TRPC7: variants seen among roughly 807,000 people sequenced by gnomAD.
TRPC7 encodes transient receptor potential cation channel subfamily C member 7.
In TRPC7, 42 loss-of-function variants were observed where a neutral mutation model predicts 90.1. That is an observed-to-expected ratio of 0.47 (90% CI 0.36 to 0.60). The LOEUF (loss-of-function observed/expected upper bound fraction) is 0.60, where lower values mean the gene tolerates loss of function less well. TRPC7 is among the 20% of genes least tolerant of loss of function. TRPC7 has a pLI of 0.00. For missense variants in TRPC7, 955 were observed against 1,112.3 expected, an observed-to-expected ratio of 0.86 and a Z score of 2.01; for synonymous variants, 451 against 436.3, an observed-to-expected ratio of 1.03 and a Z score of -0.42.
rs760257816 is a variant in TRPC7, at chr5:136,243,403, TG to T, written c.1844+4067del. On this transcript the variant is annotated intron_variant, in intron 7 of 11. Coordinates refer to ENST00000513104, the MANE Select transcript of TRPC7 (RefSeq NM_020389.3). ...AACCCAAATTTCCCTTCTGTAGAAT[TG>T]GGTCTGCCGAGTCTATAGAAACAGA... Among the ~76,000 whole-genome samples the T allele has an allele frequency of 4.8e-4, 73 of 152,224 alleles. 1 individual carries two copies. Among genetic ancestry groups the T allele is most frequent in the Non-Finnish European group, 8.7e-4 (59 of 68,002 alleles).
intron 3 of TRPC7, among the ~76,000 whole-genome samples, chr5:136,283,229 C>T (rs928104966): frequency 2.0e-5 from 3 of 152,222 alleles, no homozygotes; most frequent in Admixed American, 2.0e-4. Context: ...TTCCTTTGGA[C>T]CTTGATGCCT....
Position 136,365,434 on chromosome 5 carries a change from T to C in TRPC7, c.-180A>G. ...TGTGAAAGCGCGCTCCTCTGTTCTT[T>C]GTGTTGCAGTGGTAAAAACTCGCCT... On this transcript the variant is annotated 5_prime_UTR_variant, in exon 1 of 12. Coordinates refer to ENST00000513104, the MANE Select transcript of TRPC7 (RefSeq NM_020389.3). 1 of 635,972 alleles carries C rather than the reference T, an allele frequency of 1.6e-6. No individual in the cohort carries two copies. The highest frequency in any genetic ancestry group is 2.8e-6 in the Non-Finnish European group (1 of 363,282). 39.4% of individuals were successfully genotyped at this position (635,972 alleles called of 1,614,324 possible). A position where few individuals can be genotyped will look rare whatever the true frequency, so the allele number is the denominator to read the frequency against.
At chr5:136,334,217 A>G (rs1450706236) in intron 2 of TRPC7, among the ~76,000 whole-genome samples, 1 of 152,022 alleles carries the variant, frequency 6.6e-6, no homozygotes, top group Non-Finnish European at 1.5e-5. Flanking sequence ...GACTCATCTG[A>G]TTATGGATTC....
intron 2 of TRPC7, among the ~76,000 whole-genome samples, chr5:136,333,882 C>T (rs907910065): frequency 6.6e-6 from 1 of 152,090 alleles, no homozygotes; most frequent in African/African-American, 2.4e-5. Flanking sequence ...ATGCATTGCC[C>T]ATATAATTAC....
rs1344460994 is a variant in TRPC7, at chr5:136,357,259, C to T, written c.129G>A (p.Glu43=). 6.2e-7 allele frequency: 1 copy of T among 1,613,504 alleles called. No homozygotes were observed. Residue 43 remains glutamate, a synonymous_variant, in exon 2 of 12, where the codon GAG becomes GAA. Coordinates refer to ENST00000513104, the MANE Select transcript of TRPC7 (RefSeq NM_020389.3). The part of the protein sequence containing the change: ...FNEKGTSLTP[E]EERFLDSAEY... ...CAGCCGAGTCCAGGAAGCGCTCCTC[C>T]TCGGGCGTCAGACTGGTGCCCTTCT...
At chr5:136,227,125 G>A (rs1449751981) in intron 8 of TRPC7, among the ~76,000 whole-genome samples, 1 of 152,142 alleles carries the variant, frequency 6.6e-6, no homozygotes, top group Non-Finnish European at 1.5e-5. Context: ...TTCTCTTCTG[G>A]GGTAGACTTA....
chr5:136,272,827 C>T (rs1346316326), intron 4 of TRPC7, among the ~76,000 whole-genome samples: 2 of 152,120 alleles, frequency 1.3e-5, no homozygotes, highest in Admixed American at 1.3e-4. Context: ...ACCCCTACAT[C>T]CCAGGTGCTA....
At chr5:136,350,228 C>A (rs1474912271) in intron 2 of TRPC7, among the ~76,000 whole-genome samples, 2 of 152,166 alleles carry the variant, frequency 1.3e-5, no homozygotes, top group Non-Finnish European at 2.9e-5. Context: ...CCAATAGATG[C>A]CCAAGATTAC....
At chr5:136,261,676 T>G (rs1756861707) in intron 5 of TRPC7, among the ~76,000 whole-genome samples, 1 of 152,236 alleles carries the variant, frequency 6.6e-6, no homozygotes, top group South Asian at 2.1e-4. Context: ...TGCTGGATAT[T>G]TCTCATCTTC....
intron 10 of TRPC7, among the ~76,000 whole-genome samples, chr5:136,224,749 C>T (rs973947621): frequency 2.0e-5 from 3 of 152,194 alleles, no homozygotes; most frequent in African/African-American, 7.2e-5. Flanking sequence ...CCCTCTCCCC[C>T]ATCCTGACAG....
At chr5:136,324,524 T>G (rs1759288309) in intron 2 of TRPC7, among the ~76,000 whole-genome samples, 2 of 152,188 alleles carry the variant, frequency 1.3e-5, no homozygotes, top group South Asian at 2.1e-4. Context: ...TATTTGAGAA[T>G]TTCTTTTCTT....
At chr5:136,267,727 TTAAAA>T (rs758457722) in intron 4 of TRPC7, among the ~76,000 whole-genome samples, 1 of 152,240 alleles carries the variant, frequency 6.6e-6, no homozygotes, top group Non-Finnish European at 1.5e-5. Context: ...AACCCATTTA[TTAAAA>T]TAAAGTATTA....
chr5:136,272,457 T>C (rs1404338135), intron 4 of TRPC7, among the ~76,000 whole-genome samples: 1 of 152,256 alleles, frequency 6.6e-6, no homozygotes, highest in Non-Finnish European at 1.5e-5. Flanking sequence ...TTGACTGTTT[T>C]ATCTGTCCTT....
intron 5 of TRPC7, among the ~76,000 whole-genome samples, chr5:136,256,766 G>T: frequency 6.6e-6 from 1 of 152,198 alleles, no homozygotes; most frequent in East Asian, 1.9e-4. Context: ...TCCAAAGCTA[G>T]GCTGTCATTC....
At position 136,285,722 on chromosome 5, in the gene TRPC7, T is replaced by C. The variant is rs921491993; in HGVS notation, c.964-10885A>G. On this transcript the variant is annotated intron_variant, in intron 3 of 11. Transcript: ENST00000513104. ...GATGCAAGGCTGATGATAGATTTTG[T>C]AATCTCCCGGCTGGACAAGAGGCCA... Among the ~76,000 whole-genome samples, 20 of 152,228 alleles carry C rather than the reference T, an allele frequency of 1.3e-4. No homozygotes were observed. The East Asian group carries it at 3.8e-3, about 29-fold the overall frequency.
chr5:136,289,217 G>C (rs527334535), intron 3 of TRPC7, among the ~76,000 whole-genome samples: 4 of 152,320 alleles, frequency 2.6e-5, no homozygotes, highest in African/African-American at 4.8e-5. Flanking sequence ...CCAGTCTACA[G>C]CTCCCAGCAT....
intron 4 of TRPC7, 63 bp from the exon 5 acceptor site, chr5:136,266,499 A>G (rs1215914270): frequency 2.0e-5 from 29 of 1,419,062 alleles, no homozygotes; most frequent in Non-Finnish European, 2.8e-5. Context: ...GTCTTTCTTT[A>G]TAACATCGCT....
intron 2 of TRPC7, among the ~76,000 whole-genome samples, chr5:136,323,440 G>C (rs558305759): frequency 6.6e-6 from 1 of 152,188 alleles, no homozygotes; most frequent in African/African-American, 2.4e-5. Flanking sequence ...GTCCTCCCCT[G>C]TTTTCCTCTA....
chr5:136,307,428 G>C (rs1419270958), intron 3 of TRPC7, among the ~76,000 whole-genome samples: 1 of 152,040 alleles, frequency 6.6e-6, no homozygotes, highest in Non-Finnish European at 1.5e-5. Flanking sequence ...TGCTTTTTTT[G>C]GTTTGTTTTA....
Sources: allele counts gnomAD v4.1 joint callset (sites outside exome capture counted in the v4.1 genomes callset), GRCh38; gene constraint gnomAD v4.1.1; transcripts MANE v1.5; gene names NCBI Gene and HGNC (gene_info 2026-07-23, HGNC 2026-07-21).